KDM7A: variants seen among roughly 807,000 people sequenced by gnomAD.
KDM7A encodes the protein lysine demethylase 7A, also known as lysine-specific demethylase 7A.
In KDM7A, 28 loss-of-function variants were observed where a neutral mutation model predicts 114.8. The observed-to-expected ratio is 0.24, with a 90% CI of 0.18 to 0.33. The LOEUF (loss-of-function observed/expected upper bound fraction) is 0.33, where lower values mean the gene tolerates loss of function less well. KDM7A is among the 10% of genes least tolerant of loss of function. KDM7A has a pLI of 1.00. For missense variants in KDM7A, 942 were observed against 1,142.5 expected, an observed-to-expected ratio of 0.82 and a Z score of 2.53; for synonymous variants, 423 against 397.8, an observed-to-expected ratio of 1.06 and a Z score of -0.75.
At position 140,089,785 on chromosome 7, in the gene KDM7A, G is replaced by A. The variant is rs1451901262; in HGVS notation, c.*1309C>T. 1 of 152,108 alleles carries A rather than the reference G, an allele frequency of 6.6e-6. No individual in the cohort carries two copies. The highest frequency in any genetic ancestry group is 1.5e-5 in the Non-Finnish European group (1 of 68,004). 9.4% of individuals were successfully genotyped at this position (152,108 alleles called of 1,614,324 possible). A position where few individuals can be genotyped will look rare whatever the true frequency, so the allele number is the denominator to read the frequency against. On this transcript the variant is annotated 3_prime_UTR_variant, in exon 20 of 20. Transcript: ENST00000397560. The stretch of plus-strand genomic sequence containing the variant: ...CCTCAATATGTACTGGTCAGGTTAG[G>A]ATAGATGGAAGAAACTGCCAAAAGC...
chr7:140,168,101 C>T (rs550870859), intron 1 of KDM7A, among the ~76,000 whole-genome samples: 1 of 152,236 alleles, frequency 6.6e-6, no homozygotes, highest in East Asian at 1.9e-4. Context: ...AAAAACATGA[C>T]AACACATCCT....
chr7:140,098,253 C>G (rs573752535), intron 14 of KDM7A, among the ~76,000 whole-genome samples: 1 of 152,196 alleles, frequency 6.6e-6, no homozygotes, highest in South Asian at 2.1e-4. Flanking sequence ...ATTTATTTGT[C>G]AAGTACCAAA....
chr7:140,163,534 G>A (rs897646217), intron 1 of KDM7A, among the ~76,000 whole-genome samples: 3 of 149,068 alleles, frequency 2.0e-5, no homozygotes, highest in Non-Finnish European at 3.0e-5. Context: ...CTCCTGCCTC[G>A]GTCTCCCAAA....
At chr7:140,122,800 G>A (rs1369383871) in intron 7 of KDM7A, among the ~76,000 whole-genome samples, 1 of 152,158 alleles carries the variant, frequency 6.6e-6, no homozygotes, top group Non-Finnish European at 1.5e-5. Context: ...TAACTGTCCT[G>A]GGACAGCAGC....
rs1562945227 is a variant in KDM7A, at chr7:140,098,886, T to C, written c.1911A>G (p.Pro637=). ...ACCATTAAAAAAACATACCATTCAG[T>C]GGTTTTTGAGATTCTTCATGTTCCA... The part of the protein sequence containing the change: ...EGVEHEESQK[P]LNGFFTRVKS... Residue 637 remains proline, a synonymous_variant, in exon 14 of 20, where the codon CCA becomes CCG. Transcript: ENST00000397560. The C allele has an allele frequency of 5.6e-6, 9 of 1,610,800 alleles. No homozygotes were observed. The highest frequency in any genetic ancestry group is 7.6e-6 in the Non-Finnish European group (9 of 1,178,332).
intron 1 of KDM7A, among the ~76,000 whole-genome samples, chr7:140,164,033 A>T (rs1794548339): frequency 6.6e-6 from 1 of 152,164 alleles, no homozygotes; most frequent in African/African-American, 2.4e-5. Context: ...AAGAGAAACA[A>T]CCAGACATTT....
At position 140,089,565 on chromosome 7, in the gene KDM7A, T is replaced by C. The variant is rs553846140; in HGVS notation, c.*1529A>G. The C allele has an allele frequency of 2.0e-5, 3 of 152,346 alleles. No individual in the cohort carries two copies. Among genetic ancestry groups the C allele is most frequent in the Admixed American group, 2.0e-4 (3 of 15,300 alleles). The allele number at this position is 152,346 out of a possible 1,614,324, so 9.4% of individuals were successfully genotyped here. A position where few individuals can be genotyped will look rare whatever the true frequency, so the allele number is the denominator to read the frequency against. On this transcript the variant is annotated 3_prime_UTR_variant, in exon 20 of 20. Transcript: ENST00000397560. Reference sequence around the variant, plus strand: ...TTTATCTATTTGCCTATATTTTCTTTGTAGGAATTTGTAAAATGCTCTATT... The same window carrying C: ...TTTATCTATTTGCCTATATTTTCTTCGTAGGAATTTGTAAAATGCTCTATT...
At chr7:140,124,233 G>A (rs769364772) in intron 7 of KDM7A, among the ~76,000 whole-genome samples, 6 of 151,946 alleles carry the variant, frequency 3.9e-5, no homozygotes, top group Non-Finnish European at 7.4e-5. Context: ...AGGCGGGAAT[G>A]GGAAGTGACT....
chr7:140,102,880 T>C (rs917673420), intron 11 of KDM7A, among the ~76,000 whole-genome samples: 5 of 152,224 alleles, frequency 3.3e-5, no homozygotes, highest in Admixed American at 2.0e-4. Flanking sequence ...TCTATAAGCA[T>C]ATCATGAAAA....
Position 140,151,916 on chromosome 7 carries a change from A to C in KDM7A, c.195-12726T>G, listed in dbSNP as rs567691835. 5.3e-5 allele frequency among the ~76,000 whole-genome samples: 8 copies of C among 152,370 alleles called. No individual in the cohort carries two copies. In the South Asian group the frequency reaches 1.4e-3, roughly 28 times the overall value. ...CCTAATGAAACCTACAGAAGATTGA[A>C]TATATACAGGAATAAAAGATCATAC... is the stretch of plus-strand genomic sequence containing the variant. On this transcript the variant is annotated intron_variant, in intron 1 of 19. Transcript: ENST00000397560.
At chr7:140,118,801 C>T (rs1218384173) in intron 9 of KDM7A, among the ~76,000 whole-genome samples, 1 of 152,110 alleles carries the variant, frequency 6.6e-6, no homozygotes, top group Non-Finnish European at 1.5e-5. Flanking sequence ...GAGTCAGGCA[C>T]TGTTACGTGC....
chr7:140,099,041 A>T lies in KDM7A; in HGVS notation c.1764-8T>A. On this transcript the variant is annotated splice_region_variant and splice_polypyrimidine_tract_variant and intron_variant, in intron 13 of 19. Coordinates refer to ENST00000397560, the MANE Select transcript of KDM7A (RefSeq NM_030647.2). The stretch of plus-strand genomic sequence containing the variant: ...AAGGGCTGCCTTTCATCTCTGTATT[A>T]AGAAGGAAAAGTAATCAGAATATAG... The T allele has an allele frequency of 1.3e-6, 2 of 1,599,138 alleles. No individual in the cohort carries two copies. Among genetic ancestry groups the T allele is most frequent in the Non-Finnish European group, 1.7e-6 (2 of 1,172,260 alleles).
Position 140,096,952 on chromosome 7 carries a change from C to A in KDM7A, c.2112G>T (p.Arg704Ser). 6.2e-7 allele frequency: 1 copy of A among 1,613,712 alleles called. No homozygotes were observed. Among genetic ancestry groups the A allele is most frequent in the Non-Finnish European group, 8.5e-7 (1 of 1,179,724 alleles). ...GCTTCTGGCTCTTTTGAAGGAAGTT[C>A]CTCATCACATTAGATTCCTCCTTAA... ...SNFKEESNVM[R>S]NFLQKSQKPS... The change falls in exon 16 of 20, where the codon AGG becomes AGT. Residue 704 changes from arginine (R) to serine (S), a missense_variant. Transcript: ENST00000397560.
intron 1 of KDM7A, among the ~76,000 whole-genome samples, chr7:140,154,837 T>C (rs1330778296): frequency 2.0e-5 from 3 of 152,166 alleles, no homozygotes; most frequent in Non-Finnish European, 2.9e-5. Context: ...TCATCAGCTA[T>C]GAAGAGTTTA....
rs187194142 is a variant in KDM7A at position 140,117,396 on chromosome 7, G to A, written c.1246+1717C>T. 6.0e-5 allele frequency among the ~76,000 whole-genome samples: 9 copies of A among 150,370 alleles called. No individual in the cohort carries two copies. In the East Asian group the frequency reaches 1.8e-3, roughly 31 times the overall value. ...AGGTAAAGCTCTTAATTTGTTTTAA[G>A]AAGTTAAAGAATGAGCTTCTCTTAG... On this transcript the variant is annotated intron_variant, in intron 9 of 19. Transcript: ENST00000397560.
intron 2 of KDM7A, among the ~76,000 whole-genome samples, chr7:140,135,047 AAAAAAC>A (rs1180510470): frequency 7.1e-6 from 1 of 141,400 alleles, no homozygotes; most frequent in Non-Finnish European, 1.6e-5. Flanking sequence ...TAAAAAAAAA[AAAAAAC>A]AAACTCACAA....
chr7:140,143,484 TA>T (rs1033674887), intron 1 of KDM7A, among the ~76,000 whole-genome samples: 14 of 152,156 alleles, frequency 9.2e-5, no homozygotes, highest in African/African-American at 3.4e-4. Context: ...ATTAAAATAC[TA>T]AATAAAAATA....
intron 9 of KDM7A, among the ~76,000 whole-genome samples, chr7:140,114,933 G>A (rs188254921): frequency 3.3e-3 from 480 of 147,372 alleles, no homozygotes; most frequent in African/African-American, 0.011. Context: ...CCCTCCGCCC[G>A]GAAGCCGCCC....
intron 2 of KDM7A, 71 bp downstream of exon 2, chr7:140,139,034 C>T: frequency 2.1e-6 from 2 of 935,534 alleles, no homozygotes; most frequent in Non-Finnish European, 3.5e-6. Flanking sequence ...TAAAGTATTA[C>T]CATGTACATG....
Sources: allele counts gnomAD v4.1 joint callset (sites outside exome capture counted in the v4.1 genomes callset), GRCh38; gene constraint gnomAD v4.1.1; transcripts MANE v1.5; gene names NCBI Gene and HGNC (gene_info 2026-07-23, HGNC 2026-07-21).